The following USP8 variants were observed in gnomAD, a reference collection of about 807,000 sequenced individuals.
USP8 encodes ubiquitin specific peptidase 8.
In USP8, 27 loss-of-function variants were observed where a neutral mutation model predicts 130.0. The observed-to-expected ratio is 0.21, with a 90% confidence interval of 0.15 to 0.29. The LOEUF is 0.29. USP8 is among the 10% of genes least tolerant of loss of function. The pLI is 1.00. For missense variants in USP8, 1,029 were observed against 1,312.2 expected (o/e 0.78, Z 3.33); for synonymous variants, 392 against 444.1 (o/e 0.88, Z 1.48).
At chr15:50,430,995 A>G (rs563021392) in intron 1 of USP8, among the ~76,000 whole-genome samples, 1 of 152,336 alleles carries the variant, frequency 6.6e-6, no homozygotes, top group South Asian at 2.1e-4. Context: ...CCTGCAGTGC[A>G]CATTGCACAG....
chr15:50,502,793 C>G lies in USP8; in HGVS notation c.*3705C>G, dbSNP rs2052610161. 1 of 152,438 alleles carries G rather than the reference C, an allele frequency of 6.6e-6. No homozygotes were observed. Among genetic ancestry groups the G allele is most frequent in the African/African-American group, 2.4e-5 (1 of 41,590 alleles). The allele number at this position is 152,438 out of a possible 1,614,324, so 9.4% of individuals were successfully genotyped here. On this transcript the variant is annotated 3_prime_UTR_variant, in exon 20 of 20. Transcript: ENST00000307179. ...GACTACAGGCATACACCACCATGTC[C>G]AGAATGAAAATGGATCTGACTAGTT...
chr15:50,439,375 C>T (rs2141254042), intron 2 of USP8, among the ~76,000 whole-genome samples, 198 bp downstream of exon 2: 1 of 152,266 alleles, frequency 6.6e-6, no homozygotes, highest in East Asian at 1.9e-4. Flanking sequence ...ATTATCTACT[C>T]TCCAGACAGA....
intron 1 of USP8, among the ~76,000 whole-genome samples, chr15:50,431,430 A>G (rs1028733804): frequency 9.2e-5 from 14 of 152,168 alleles, no homozygotes; most frequent in Admixed American, 1.3e-4. Context: ...GATGGCTTCC[A>G]AAGTCTTCCA....
intron 1 of USP8, among the ~76,000 whole-genome samples, chr15:50,437,502 C>T (rs1452953328): frequency 1.4e-4 from 21 of 152,118 alleles, no homozygotes; most frequent in Non-Finnish European, 2.9e-4. Context: ...GGTGAGAAGG[C>T]GGGCAGGGTA....
chr15:50,493,315 ATAAG>A (rs2052250533), intron 15 of USP8: 1 of 520,286 alleles, frequency 1.9e-6, no homozygotes, highest in South Asian at 1.4e-5. Context: ...TAACCTATGA[ATAAG>A]TAAGCATTTT....
In USP8 at chr15:50,485,289, C is replaced by CA. The variant is rs1196297765; in HGVS notation, c.1890+939dup. ...TGAAACGCCGTCTCTACTAAAAATA[C>CA]AAAAAAAAAAATTAGCCGGGCGTGG... On this transcript the variant is annotated intron_variant, in intron 12 of 19. Transcript: ENST00000307179. Among the ~76,000 whole-genome samples the CA allele has an allele frequency of 2.3e-3, 332 of 144,192 alleles. 1 individual carries two copies. The highest frequency in any genetic ancestry group is 3.1e-3 in the South Asian group (14 of 4,508). The allele number at this position is 144,192 out of a possible 152,430, so 94.6% of individuals were successfully genotyped here.
chr15:50,446,145 T>A (rs1305142768), intron 3 of USP8, among the ~76,000 whole-genome samples: 1 of 152,220 alleles, frequency 6.6e-6, no homozygotes, highest in African/African-American at 2.4e-5. Context: ...AATTCATATA[T>A]TCAGGAATCA....
rs1178192595 is a variant in USP8 at position 50,508,474 on chromosome 15, G to C, written c.*9386G>C. 6.6e-6 allele frequency: 1 copy of C among 152,168 alleles called. No individual in the cohort carries two copies. The highest frequency in any genetic ancestry group is 1.9e-4 in the East Asian group (1 of 5,190). The allele number at this position is 152,168 out of a possible 1,614,324, so 9.4% of individuals were successfully genotyped here. ...AAATATTCTATAATAAAAAAAGGCAGAGAAAGTGGGAGATAGACATTTGTA... is the reference window on the plus strand; with the variant it reads ...AAATATTCTATAATAAAAAAAGGCACAGAAAGTGGGAGATAGACATTTGTA... On this transcript the variant is annotated 3_prime_UTR_variant, in exon 20 of 20. Transcript: ENST00000307179.
At chr15:50,493,097 C>A (rs909521128) in intron 15 of USP8, 184 bp downstream of exon 15, 4 of 703,760 alleles carry the variant, frequency 5.7e-6, no homozygotes, top group Admixed American at 4.1e-5. Flanking sequence ...GTGCCGGCAT[C>A]TGGTGCGCTT....
rs143635262 is a variant in USP8, at chr15:50,424,654, G to A, written c.-66+140G>A. On this transcript the variant is annotated intron_variant, in intron 1 of 19. Transcript: ENST00000307179. ...GGAGAGGAGTGGGACAACTCCTAAAGGTAGAATCAGCTTGTGGAGAGGAAA... is the reference window on the plus strand; with the variant it reads ...GGAGAGGAGTGGGACAACTCCTAAAAGTAGAATCAGCTTGTGGAGAGGAAA... 4.4e-4 allele frequency: 174 copies of A among 396,124 alleles called. 1 individual carries two copies. The East Asian group carries it at 5.3e-3, about 12-fold the overall frequency. 24.5% of individuals were successfully genotyped at this position (396,124 alleles called of 1,614,324 possible).
chr15:50,463,861 C>T (rs2051096072), intron 6 of USP8, among the ~76,000 whole-genome samples: 2 of 152,152 alleles, frequency 1.3e-5, no homozygotes, highest in South Asian at 2.1e-4. Flanking sequence ...TTCAGTAGAG[C>T]TAAGGAAAAA....
Position 50,488,921 on chromosome 15 carries a change from G to C in USP8, c.1891-880G>C, listed in dbSNP as rs990676648. ...TTTTTATAGAGACGGGGTCTGTGTTGCCCAGGCCGATCTCAAAACTCCTGG... is the reference window on the plus strand; with the variant it reads ...TTTTTATAGAGACGGGGTCTGTGTTCCCCAGGCCGATCTCAAAACTCCTGG... On this transcript the variant is annotated intron_variant, in intron 12 of 19. Coordinates refer to ENST00000307179, the MANE Select transcript of USP8 (RefSeq NM_005154.5). 3.3e-5 allele frequency among the ~76,000 whole-genome samples: 5 copies of C among 151,778 alleles called. No individual in the cohort carries two copies. The South Asian group carries it at 1.0e-3, about 31-fold the overall frequency.
At chr15:50,474,418 A>AAT (rs1371397317) in intron 8 of USP8, among the ~76,000 whole-genome samples, 1 of 152,182 alleles carries the variant, frequency 6.6e-6, no homozygotes, top group East Asian at 1.9e-4. Context: ...GTCGGTCTTA[A>AAT]AAGCCTTAGA....
intron 12 of USP8, among the ~76,000 whole-genome samples, chr15:50,487,907 T>C (rs1314899120): frequency 6.6e-6 from 1 of 152,172 alleles, no homozygotes; most frequent in African/African-American, 2.4e-5. Context: ...AGCCTAGGTG[T>C]GGTGGCACAA....
chr15:50,498,465 A>T (rs1415121822), intron 18 of USP8, 131 bp from the exon 19 acceptor site: 1 of 1,212,716 alleles, frequency 8.2e-7, no homozygotes, highest in Non-Finnish European at 1.1e-6. Context: ...AGGTTCCTCT[A>T]CTACTAAAAT....
In USP8 at chr15:50,499,368, G is replaced by T; in HGVS notation, c.*280G>T. The T allele has an allele frequency of 3.9e-6, 1 of 254,898 alleles. No individual in the cohort carries two copies. The highest frequency in any genetic ancestry group is 7.3e-6 in the Non-Finnish European group (1 of 137,026). 15.8% of individuals were successfully genotyped at this position (254,898 alleles called of 1,614,324 possible). On this transcript the variant is annotated 3_prime_UTR_variant, in exon 20 of 20. Coordinates refer to ENST00000307179, the MANE Select transcript of USP8 (RefSeq NM_005154.5). Reference sequence around the variant, plus strand: ...ACTAGCTAAGCATTATTATTCGACTGGTCTAAAAACTATTGTTATCTTTTT... The same window carrying T: ...ACTAGCTAAGCATTATTATTCGACTTGTCTAAAAACTATTGTTATCTTTTT...
rs2052604978 is a variant in USP8, at chr15:50,502,463, G to C, written c.*3375G>C. 2 of 152,114 alleles carry C rather than the reference G, an allele frequency of 1.3e-5. No individual in the cohort carries two copies. Among genetic ancestry groups the C allele is most frequent in the African/African-American group, 4.8e-5 (2 of 41,256 alleles). The allele number at this position is 152,114 out of a possible 1,614,324, so 9.4% of individuals were successfully genotyped here. On this transcript the variant is annotated 3_prime_UTR_variant, in exon 20 of 20. Transcript: ENST00000307179. ...AGCTCACCACAACCTCTGCTTCCTGGGTTAAAGCTCTTCTCCTGCCTCAGC... is the reference window on the plus strand; with the variant it reads ...AGCTCACCACAACCTCTGCTTCCTGCGTTAAAGCTCTTCTCCTGCCTCAGC...
chr15:50,461,846 C>T (rs1008178837), intron 5 of USP8, among the ~76,000 whole-genome samples: 5 of 135,526 alleles, frequency 3.7e-5, no homozygotes, highest in East Asian at 4.8e-4. Flanking sequence ...AGCAAGACTC[C>T]GTCTCAAAAA....
chr15:50,469,676 T>C (rs921300269), intron 7 of USP8, among the ~76,000 whole-genome samples: 5 of 152,148 alleles, frequency 3.3e-5, no homozygotes, highest in African/African-American at 9.7e-5. Context: ...GTTTTACTTG[T>C]GGATAAAAGT....
Sources: allele counts gnomAD v4.1 joint callset (sites outside exome capture counted in the v4.1 genomes callset), GRCh38; gene constraint gnomAD v4.1.1; transcripts MANE v1.5; gene names NCBI Gene and HGNC (gene_info 2026-07-23, HGNC 2026-07-21).